Variants in MAD1L1 observed in about 807,000 individuals in gnomAD.
The protein encoded by MAD1L1 is mitotic arrest deficient 1 like 1.
MAD1L1 carries 95 observed loss-of-function variants against 96.9 expected under a neutral mutation model. The observed-to-expected ratio is 0.98, with a 90% CI of 0.83 to 1.16. The LOEUF (loss-of-function observed/expected upper bound fraction) is 1.16, where lower values mean the gene tolerates loss of function less well. Ranked by LOEUF, MAD1L1 falls within the 50% of genes most tolerant of loss-of-function variation. MAD1L1 has a pLI of 0.00. For missense variants in MAD1L1, 1,007 were observed against 954.4 expected (o/e 1.06, Z -0.73); for synonymous variants, 473 against 396.6 (o/e 1.19, Z -2.29).
At chr7:2,131,585 C>T (rs1477745932) in intron 11 of MAD1L1, among the ~76,000 whole-genome samples, 1 of 152,242 alleles carries the variant, frequency 6.6e-6, no homozygotes, top group East Asian at 1.9e-4. Context: ...GGTGTCCTTG[C>T]TCAAGGCCTC....
chr7:2,167,127 G>A lies in MAD1L1; in HGVS notation c.987-17889C>T, dbSNP rs147468571. On this transcript the variant is annotated intron_variant, in intron 10 of 18. Coordinates refer to ENST00000265854, the MANE Select transcript of MAD1L1 (RefSeq NM_001013836.2). Reference sequence around the variant, plus strand: ...AGTGCCGGTGAAACAGTAAGACCAGGGCAGCATGCTTCACTGGGCAACGGA... The same window carrying A: ...AGTGCCGGTGAAACAGTAAGACCAGAGCAGCATGCTTCACTGGGCAACGGA... Among the ~76,000 whole-genome samples the A allele has an allele frequency of 3.9e-3, 597 of 152,296 alleles. 3 individuals carry two copies. The highest frequency in any genetic ancestry group is 6.7e-3 in the Non-Finnish European group (458 of 68,028).
At chr7:1,900,371 G>T (rs537456798) in intron 17 of MAD1L1, among the ~76,000 whole-genome samples, 1 of 152,332 alleles carries the variant, frequency 6.6e-6, no homozygotes, top group East Asian at 1.9e-4. Flanking sequence ...AGGGGCCCTG[G>T]CGCCCATCCA....
intron 11 of MAD1L1, among the ~76,000 whole-genome samples, chr7:2,127,976 T>G (rs1788314270): frequency 6.6e-6 from 1 of 152,016 alleles, no homozygotes; most frequent in Non-Finnish European, 1.5e-5. Flanking sequence ...AGTGTCCACC[T>G]CTCGGAACTT....
At chr7:2,226,318 C>G (rs1032136927) in intron 3 of MAD1L1, among the ~76,000 whole-genome samples, 1 of 152,150 alleles carries the variant, frequency 6.6e-6, no homozygotes, top group Non-Finnish European at 1.5e-5. Flanking sequence ...GCACAAGGAG[C>G]CTGGAATCTG....
chr7:1,895,235 C>T (rs151117262), intron 18 of MAD1L1, among the ~76,000 whole-genome samples: 71 of 152,330 alleles, frequency 4.7e-4, no homozygotes, highest in African/African-American at 1.6e-3. Context: ...GAAATGAAAC[C>T]GATGGACCAA....
At chr7:1,831,167 C>A (rs150352454) in intron 18 of MAD1L1, among the ~76,000 whole-genome samples, 1,985 of 152,370 alleles carry the variant, frequency 0.013, 15 homozygotes, top group African/African-American at 0.044. Flanking sequence ...CTGTGTCTGG[C>A]AAGTCTATTG....
At chr7:2,046,118 C>T (rs1250938855) in intron 12 of MAD1L1, among the ~76,000 whole-genome samples, 1 of 152,146 alleles carries the variant, frequency 6.6e-6, no homozygotes, top group Non-Finnish European at 1.5e-5. Flanking sequence ...CCGAGCCCTG[C>T]AATCAGTGCC....
intron 18 of MAD1L1, chr7:1,847,743 G>A: frequency 2.1e-6 from 1 of 468,824 alleles, no homozygotes; most frequent in Non-Finnish European, 4.4e-6. Context: ...CTGGGCCCGG[G>A]ACACGGAACA....
chr7:1,971,155 T>C (rs1411053088), intron 15 of MAD1L1, among the ~76,000 whole-genome samples: 1 of 152,184 alleles, frequency 6.6e-6, no homozygotes, highest in Non-Finnish European at 1.5e-5. Flanking sequence ...TCGATCAACG[T>C]GGAGATGCAC....
intron 10 of MAD1L1, among the ~76,000 whole-genome samples, chr7:2,170,974 C>T (rs1471646871): frequency 1.3e-5 from 2 of 152,186 alleles, no homozygotes; most frequent in Non-Finnish European, 2.9e-5. Flanking sequence ...GGTGATCAAA[C>T]GCAAAACAAC....
At chr7:1,926,546 T>A (rs1050228830) in intron 17 of MAD1L1, among the ~76,000 whole-genome samples, 14 of 152,010 alleles carry the variant, frequency 9.2e-5, no homozygotes, top group African/African-American at 3.4e-4. Flanking sequence ...ATTCCAGGAA[T>A]GCAGAGTTGG....
intron 11 of MAD1L1, among the ~76,000 whole-genome samples, chr7:2,084,138 G>A (rs1020474159): frequency 7.9e-5 from 12 of 152,238 alleles, no homozygotes; most frequent in East Asian, 3.8e-4. Context: ...CAGGGTGTGC[G>A]GTGGACACTC....
chr7:1,913,218 A>C (rs893224234), intron 17 of MAD1L1, among the ~76,000 whole-genome samples: 1 of 152,032 alleles, frequency 6.6e-6, no homozygotes, highest in African/African-American at 2.4e-5. Context: ...ACTCGGGAAG[A>C]GGACACGGAA....
intron 14 of MAD1L1, among the ~76,000 whole-genome samples, chr7:1,981,328 C>T (rs1016308121): frequency 8.5e-5 from 13 of 152,132 alleles, no homozygotes; most frequent in Non-Finnish European, 1.5e-4. Context: ...GGGCAGCAGA[C>T]GGTGGGGAGG....
At chr7:2,168,233 C>T (rs1313366573) in intron 10 of MAD1L1, among the ~76,000 whole-genome samples, 3 of 151,628 alleles carry the variant, frequency 2.0e-5, no homozygotes, top group Admixed American at 1.3e-4. Context: ...TGCAGTGAGC[C>T]GAGATCGTGC....
At chr7:1,854,118 C>T (rs1296347014) in intron 18 of MAD1L1, among the ~76,000 whole-genome samples, 1 of 152,164 alleles carries the variant, frequency 6.6e-6, no homozygotes, top group Non-Finnish European at 1.5e-5. Flanking sequence ...GAGGCCACAT[C>T]ACTCACGGGG....
chr7:1,856,644 C>T (rs749883610), intron 18 of MAD1L1, among the ~76,000 whole-genome samples: 15 of 152,114 alleles, frequency 9.9e-5, no homozygotes, highest in African/African-American at 2.4e-4. Flanking sequence ...GAGCTGCTCG[C>T]GGCTCCTCCA....
At chr7:2,079,784 G>A (rs961341004) in intron 11 of MAD1L1, 21 of 470,182 alleles carry the variant, frequency 4.5e-5, no homozygotes, top group Non-Finnish European at 7.9e-5. Context: ...ATTCACTTCC[G>A]CCCCAGGCTG....
At chr7:2,030,318 G>A (rs1584128599) in intron 12 of MAD1L1, among the ~76,000 whole-genome samples, 1 of 152,198 alleles carries the variant, frequency 6.6e-6, no homozygotes, top group East Asian at 1.9e-4. Context: ...CTTGCTAACT[G>A]GGTAAAAAGT....
Sources: gnomAD v4.1 joint callset for allele counts (sites outside exome capture counted in the v4.1 genomes callset) on GRCh38, gnomAD v4.1.1 for gene constraint, MANE v1.5 for transcripts, NCBI Gene and HGNC (gene_info 2026-07-23, HGNC 2026-07-21) for gene names.